Variants in SGCD observed in about 807,000 individuals in gnomAD.
SGCD encodes the protein sarcoglycan delta.
Under a neutral mutation model 36.6 loss-of-function variants are expected in SGCD, and 18 were observed. That is an observed-to-expected ratio of 0.49 (90% CI 0.34 to 0.73). The LOEUF (loss-of-function observed/expected upper bound fraction) is 0.73, where lower values mean the gene tolerates loss of function less well. Among genes scored for constraint, SGCD ranks in the 30% least tolerant of loss-of-function variants. The pLI is 0.01. For missense variants in SGCD, 387 were observed against 346.7 expected (o/e 1.12, Z -0.92); for synonymous variants, 133 against 130.6 (o/e 1.02, Z -0.12).
chr5:156,557,061 T>C (rs1365321545), intron 4 of SGCD, among the ~76,000 whole-genome samples: 1 of 152,184 alleles, frequency 6.6e-6, no homozygotes, highest in East Asian at 1.9e-4. Flanking sequence ...GACTAGTGAC[T>C]TTGATTTCCC....
At chr5:156,364,538 T>C (rs77738240) in intron 3 of SGCD, among the ~76,000 whole-genome samples, 8 of 152,352 alleles carry the variant, frequency 5.3e-5, no homozygotes, top group Admixed American at 3.9e-4. Flanking sequence ...CTATAAGCAG[T>C]TGAAAAAGGA....
At chr5:155,790,099 A>G in the SGCD span, among the ~76,000 whole-genome samples, 1 of 152,100 alleles carries the variant, frequency 6.6e-6, no homozygotes, top group Non-Finnish European at 1.5e-5. Context: ...ATAAATTGAA[A>G]CAAACCCGTA....
chr5:156,483,408 G>A (rs951956284), intron 3 of SGCD, among the ~76,000 whole-genome samples: 18 of 152,194 alleles, frequency 1.2e-4, no homozygotes, highest in Admixed American at 6.5e-5. Flanking sequence ...TCACCCCAAG[G>A]TTGAGGGGAG....
intron 1 of SGCD, among the ~76,000 whole-genome samples, chr5:156,098,599 G>GTA (rs72288706): frequency 0.024 from 3,519 of 147,496 alleles, 67 homozygotes; most frequent in Admixed American, 0.044. Context: ...GTGTGTATGT[G>GTA]TATATATATA....
At chr5:156,372,995 A>G (rs1236068212) in intron 3 of SGCD, among the ~76,000 whole-genome samples, 1 of 152,120 alleles carries the variant, frequency 6.6e-6, no homozygotes, top group African/African-American at 2.4e-5. Context: ...TTTAAGGTGT[A>G]GAGAAATGTA....
chr5:156,758,402 T>A (rs372565957), intron 8 of SGCD, among the ~76,000 whole-genome samples: 2 of 149,082 alleles, frequency 1.3e-5, no homozygotes, highest in South Asian at 4.3e-4. Context: ...TTTTTTTTTT[T>A]AAGAAAAATG....
chr5:156,507,870 G>GA (rs913445643), intron 3 of SGCD, among the ~76,000 whole-genome samples: 1 of 151,974 alleles, frequency 6.6e-6, no homozygotes, highest in Non-Finnish European at 1.5e-5. Flanking sequence ...ATTATAGAGA[G>GA]AAAAAAACAT....
intron 3 of SGCD, among the ~76,000 whole-genome samples, chr5:156,434,076 G>A (rs1004380902): frequency 2.6e-5 from 4 of 152,214 alleles, no homozygotes; most frequent in Non-Finnish European, 5.9e-5. Context: ...CCCAGGCCAC[G>A]TGCCACTCCT....
chr5:156,272,646 A>T (rs1191887301), intron 3 of SGCD, among the ~76,000 whole-genome samples: 1 of 152,224 alleles, frequency 6.6e-6, no homozygotes, highest in Non-Finnish European at 1.5e-5. Context: ...CAAAGAACTA[A>T]GCCTTCTTGC....
rs183792397 is a variant in SGCD at position 156,167,875 on chromosome 5, T to C, written c.-44+43856T>C. Among the ~76,000 whole-genome samples, 6 of 152,344 alleles carry C rather than the reference T, an allele frequency of 3.9e-5. No homozygotes were observed. In the East Asian group the frequency reaches 1.2e-3, roughly 29 times the overall value. ...TCACCCAGTCTCAGATATTCCTTTA[T>C]AGTAATGCAAAAAGGACTAACACAG... On this transcript the variant is annotated intron_variant, in intron 3 of 9. Coordinates refer to the SGCD transcript ENST00000517913.
chr5:155,827,419 G>A, the SGCD span, among the ~76,000 whole-genome samples: 1 of 152,136 alleles, frequency 6.6e-6, no homozygotes, highest in South Asian at 2.1e-4. Flanking sequence ...TCTCAGAGTA[G>A]CCTCATGTTC....
intron 3 of SGCD, among the ~76,000 whole-genome samples, chr5:156,403,757 G>A (rs765121436): frequency 6.6e-6 from 1 of 152,118 alleles, no homozygotes; most frequent in Non-Finnish European, 1.5e-5. Flanking sequence ...TCTGGTTTAT[G>A]GAGGGTTTTT....
chr5:156,237,904 A>G (rs1425134570), intron 3 of SGCD, among the ~76,000 whole-genome samples: 1 of 152,156 alleles, frequency 6.6e-6, no homozygotes, highest in East Asian at 1.9e-4. Context: ...AATAAGAAAC[A>G]ATACAGTTCC....
At chr5:156,394,907 A>G (rs961748790) in intron 3 of SGCD, among the ~76,000 whole-genome samples, 22 of 152,230 alleles carry the variant, frequency 1.4e-4, no homozygotes, top group African/African-American at 4.8e-5. Context: ...TTGAGAATTC[A>G]TATTGGCTAG....
At chr5:156,197,923 C>T (rs1371744816) in intron 3 of SGCD, among the ~76,000 whole-genome samples, 2 of 152,100 alleles carry the variant, frequency 1.3e-5, no homozygotes, top group Non-Finnish European at 2.9e-5. Flanking sequence ...CCCTCACCTA[C>T]TTACGTAATT....
At chr5:156,394,992 G>T (rs545124958) in intron 3 of SGCD, among the ~76,000 whole-genome samples, 1 of 152,208 alleles carries the variant, frequency 6.6e-6, no homozygotes, top group Non-Finnish European at 1.5e-5. Context: ...AAAAATCACA[G>T]TACTGGCTGT....
chr5:156,516,339 G>A (rs371735979), intron 4 of SGCD, among the ~76,000 whole-genome samples: 28 of 152,172 alleles, frequency 1.8e-4, no homozygotes, highest in East Asian at 3.9e-4. Flanking sequence ...GCAGACAGCC[G>A]TCCTTGCTGT....
At chr5:156,309,787 G>C (rs1377275229) in intron 3 of SGCD, among the ~76,000 whole-genome samples, 2 of 151,798 alleles carry the variant, frequency 1.3e-5, no homozygotes, top group South Asian at 2.1e-4. Context: ...CGCCCCACCC[G>C]ATCTTTGAGC....
At chr5:156,353,545 A>G (rs1328839905) in intron 3 of SGCD, among the ~76,000 whole-genome samples, 1 of 152,210 alleles carries the variant, frequency 6.6e-6, no homozygotes, top group South Asian at 2.1e-4. Context: ...TGAAAGTGAT[A>G]TTATTGGCAT....
Sources: allele counts gnomAD v4.1 joint callset (sites outside exome capture counted in the v4.1 genomes callset), GRCh38; gene constraint gnomAD v4.1.1; transcripts MANE v1.5; gene names NCBI Gene and HGNC (gene_info 2026-07-23, HGNC 2026-07-21).